The following ATRN variants were observed in gnomAD, a reference collection of about 807,000 sequenced individuals.
ATRN encodes the protein attractin.
In ATRN, 54 loss-of-function variants were observed where a neutral mutation model predicts 178.7. The observed-to-expected ratio is 0.30, with a 90% CI of 0.24 to 0.38. The LOEUF (loss-of-function observed/expected upper bound fraction) is 0.38, where lower values mean the gene tolerates loss of function less well. ATRN is among the 10% of genes least tolerant of loss of function. ATRN has a pLI of 1.00. For missense variants in ATRN, 1,443 were observed against 1,815.1 expected (o/e 0.79, Z 3.73); for synonymous variants, 636 against 663.0 (o/e 0.96, Z 0.63).
At chr20:3,490,373 C>T in intron 1 of ATRN, 2 of 987,188 alleles carry the variant, frequency 2.0e-6, no homozygotes, top group Non-Finnish European at 3.3e-6. Flanking sequence ...TTCTCAAACT[C>T]AGCCTGAATC....
At position 3,632,097 on chromosome 20, in the gene ATRN, A is replaced by G. The variant is rs2086993995; in HGVS notation, c.3864-2214A>G. ...CCTGGCAGCCAGCCTCCAGGTTAGA[A>G]TATCTGCCCAGGACATCTCCCCTGG... On this transcript the variant is annotated intron_variant, in intron 25 of 28. Transcript: ENST00000262919. The surrounding 1 kb of genome is among the most constrained non-coding windows in gnomAD (Gnocchi z 4.2). 1.3e-5 allele frequency among the ~76,000 whole-genome samples: 2 copies of G among 152,040 alleles called. No individual in the cohort carries two copies. The highest frequency in any genetic ancestry group is 4.8e-5 in the African/African-American group (2 of 41,424).
At chr20:3,601,890 A>G (rs929750369) in intron 23 of ATRN, among the ~76,000 whole-genome samples, 1 of 151,904 alleles carries the variant, frequency 6.6e-6, no homozygotes, top group Non-Finnish European at 1.5e-5. Flanking sequence ...AAAAAAAGAA[A>G]AAAGGATAAT....
At chr20:3,487,594 G>T (rs2084713559) in intron 1 of ATRN, among the ~76,000 whole-genome samples, 1 of 152,116 alleles carries the variant, frequency 6.6e-6, no homozygotes, top group Non-Finnish European at 1.5e-5. Context: ...ATGGTACATT[G>T]CTTCAATTTT....
At chr20:3,572,596 C>A in intron 11 of ATRN, 135 bp from the exon 12 acceptor site, 1 of 690,658 alleles carries the variant, frequency 1.4e-6, no homozygotes, top group Non-Finnish European at 2.4e-6. Flanking sequence ...GCGAGAGGAT[C>A]TCTTGAGCCC....
intron 22 of ATRN, among the ~76,000 whole-genome samples, chr20:3,599,448 A>G (rs1025294537): frequency 6.6e-6 from 1 of 152,222 alleles, no homozygotes; most frequent in African/African-American, 2.4e-5. Context: ...CAGAATACTT[A>G]CTAGAGTTAT....
intron 1 of ATRN, among the ~76,000 whole-genome samples, chr20:3,517,890 G>C (rs1010567269): frequency 7.9e-5 from 12 of 152,054 alleles, no homozygotes; most frequent in Non-Finnish European, 1.6e-4. Flanking sequence ...TTCCCACTCA[G>C]GTTAAGATAC....
Position 3,472,154 on chromosome 20 carries a change from A to G in ATRN, c.410+637A>G, listed in dbSNP as rs144121007. On this transcript the variant is annotated intron_variant, in intron 1 of 28. Coordinates refer to ENST00000262919, the MANE Select transcript of ATRN (RefSeq NM_139321.3). Reference sequence around the variant, plus strand: ...GAAGAGGGAATGGAAGGAGATTCCTATTTGCCTTGGTTTCTGGACAATATG... The same window carrying G: ...GAAGAGGGAATGGAAGGAGATTCCTGTTTGCCTTGGTTTCTGGACAATATG... Among the ~76,000 whole-genome samples, 5 of 152,300 alleles carry G rather than the reference A, an allele frequency of 3.3e-5. No homozygotes were observed. In the East Asian group the frequency reaches 5.8e-4, roughly 18 times the overall value.
At chr20:3,575,559 T>A (rs1422798692) in intron 12 of ATRN, among the ~76,000 whole-genome samples, 1 of 152,234 alleles carries the variant, frequency 6.6e-6, no homozygotes, top group East Asian at 1.9e-4. Context: ...GAGCCAGAAT[T>A]TACTTTCATT....
chr20:3,527,915 T>G (rs1398935666), intron 1 of ATRN, among the ~76,000 whole-genome samples: 1 of 149,536 alleles, frequency 6.7e-6, no homozygotes, highest in Non-Finnish European at 1.5e-5. Context: ...CTGGGGCCTG[T>G]TGGGAGGGTG....
At chr20:3,563,774 A>G (rs1172722241) in intron 10 of ATRN, among the ~76,000 whole-genome samples, 2 of 152,204 alleles carry the variant, frequency 1.3e-5, no homozygotes, top group Non-Finnish European at 2.9e-5. Context: ...AGAAGAGGGC[A>G]GTATTTGTTC....
In ATRN at chr20:3,582,060, C is replaced by T. The variant is rs149284657; in HGVS notation, c.2545-75C>T. On this transcript the variant is annotated intron_variant, in intron 15 of 28. Coordinates refer to ENST00000262919, the MANE Select transcript of ATRN (RefSeq NM_139321.3). ...TTTGAAACTAGCCAGGGCAACATGG[C>T]AAGACTCCATCTCCAAAATTTAAAT... 1.0e-3 allele frequency: 1,416 copies of T among 1,357,806 alleles called. 16 individuals carry two copies. In the African/African-American group the frequency reaches 0.018, roughly 17 times the overall value. 84.1% of individuals were successfully genotyped at this position (1,357,806 alleles called of 1,614,324 possible). A position where few individuals can be genotyped will look rare whatever the true frequency, so the allele number is the denominator to read the frequency against.
At chr20:3,552,846 C>T (rs2085809007) in intron 6 of ATRN, among the ~76,000 whole-genome samples, 2 of 152,172 alleles carry the variant, frequency 1.3e-5, no homozygotes, top group Admixed American at 1.3e-4. Flanking sequence ...AGAGGCCACC[C>T]AGTTTCTTGT....
rs573375133 is a variant in ATRN, at chr20:3,481,987, A to G, written c.410+10470A>G. Among the ~76,000 whole-genome samples the G allele has an allele frequency of 8.6e-5, 13 of 151,442 alleles. No homozygotes were observed. The East Asian group carries it at 2.3e-3, about 27-fold the overall frequency. On this transcript the variant is annotated intron_variant, in intron 1 of 28. Coordinates refer to ENST00000262919, the MANE Select transcript of ATRN (RefSeq NM_139321.3). ...AGAGTCACATAAGTAACCTCCCTTG[A>G]CCTGTGTTTTCTAAATTTTTAAATT... is the stretch of plus-strand genomic sequence containing the variant.
intron 12 of ATRN, 142 bp downstream of exon 12, chr20:3,573,093 G>A: frequency 1.2e-6 from 1 of 805,078 alleles, no homozygotes; most frequent in Non-Finnish European, 1.9e-6. Flanking sequence ...AAGTGTTTTT[G>A]GATATTTGAT....
chr20:3,611,803 C>T (rs1269810179), intron 24 of ATRN, among the ~76,000 whole-genome samples: 2 of 152,142 alleles, frequency 1.3e-5, no homozygotes, highest in Admixed American at 1.3e-4. Flanking sequence ...GATAACACTA[C>T]ACACTTATCA....
In ATRN at chr20:3,597,466, C is replaced by G. The variant is rs994716642; in HGVS notation, c.3470-440C>G. On this transcript the variant is annotated intron_variant, in intron 21 of 28. Coordinates refer to ENST00000262919, the MANE Select transcript of ATRN (RefSeq NM_139321.3). ...GAGATTTTAAAACCACAGTCAGATA[C>G]AGCCCTAAAGTGATTAGAATCCAAC... Among the ~76,000 whole-genome samples the G allele has an allele frequency of 3.9e-5, 6 of 152,268 alleles. No individual in the cohort carries two copies. The South Asian group carries it at 1.2e-3, about 32-fold the overall frequency.
chr20:3,525,639 C>T (rs1467555988), intron 1 of ATRN, among the ~76,000 whole-genome samples: 3 of 152,132 alleles, frequency 2.0e-5, no homozygotes, highest in East Asian at 3.8e-4. Context: ...AGCATCGATG[C>T]GAGAATCCTC....
chr20:3,480,687 A>C (rs961542637), intron 1 of ATRN, among the ~76,000 whole-genome samples: 6 of 152,140 alleles, frequency 3.9e-5, no homozygotes, highest in African/African-American at 7.2e-5. Context: ...ACCTCGATGA[A>C]AGGTTCCCAA....
Position 3,604,246 on chromosome 20 carries a change from G to C in ATRN, c.3785G>C (p.Trp1262Ser). ...TFFVYVSNFT[W>S]PIKIQIAFSQ... ...TTTGTTTATGTCAGTAATTTCACCT[G>C]GCCCATCAAAATTCAGGTAAGAAGA... Residue 1262 changes from tryptophan to serine, a missense_variant, in exon 24 of 29, where the codon TGG becomes TCG. Around this residue, in one of 4 missense-constraint regions of ATRN, gnomAD observed 289 missense variants for 440.8 expected, o/e 0.66. Transcript: ENST00000262919. The C allele has an allele frequency of 6.2e-7, 1 of 1,600,628 alleles. No homozygotes were observed. Among genetic ancestry groups the C allele is most frequent in the South Asian group, 1.1e-5 (1 of 87,852 alleles).
Sources: allele counts gnomAD v4.1 joint callset (sites outside exome capture counted in the v4.1 genomes callset), GRCh38; gene constraint gnomAD v4.1.1; regional missense constraint gnomAD v4.1.1; non-coding constraint Gnocchi (gnomAD v3.1); transcripts MANE v1.5; gene names NCBI Gene and HGNC (gene_info 2026-07-23, HGNC 2026-07-21).